Variants in PIGU observed in about 807,000 individuals in gnomAD.
PIGU encodes the protein phosphatidylinositol glycan anchor biosynthesis class U.
PIGU carries 24 observed loss-of-function variants against 49.9 expected under a neutral mutation model. That is an observed-to-expected ratio of 0.48 (90% CI 0.35 to 0.68). PIGU has a LOEUF of 0.68. Among genes scored for constraint, PIGU ranks in the 30% least tolerant of loss-of-function variants. The pLI is 0.01. For synonymous variants in PIGU, 220 were observed against 205.7 expected (o/e 1.07, Z -0.59); for missense variants, 490 against 532.6 (o/e 0.92, Z 0.79).
chr20:34,642,832 A>C (rs940778585), intron 4 of PIGU, among the ~76,000 whole-genome samples: 18 of 138,480 alleles, frequency 1.3e-4, no homozygotes, highest in Admixed American at 9.7e-4. Flanking sequence ...ATCTTGGCTC[A>C]CTCCAATCTC....
Position 34,588,682 on chromosome 20 carries a change from T to A in PIGU, c.628-75A>T, listed in dbSNP as rs561817280. ...GCAGCTATTAGCTTACACTTAAAGA[T>A]CCCTCCCGCAAAACCATACTATGAT... is the stretch of plus-strand genomic sequence containing the variant. On this transcript the variant is annotated intron_variant, in intron 7 of 11. Transcript: ENST00000217446. The A allele has an allele frequency of 1.3e-5, 18 of 1,403,558 alleles. No individual in the cohort carries two copies. The Admixed American group carries it at 2.6e-4, about 20-fold the overall frequency. The allele number at this position is 1,403,558 out of a possible 1,614,324, so 86.9% of individuals were successfully genotyped here. A position where few individuals can be genotyped will look rare whatever the true frequency, so the allele number is the denominator to read the frequency against.
intron 7 of PIGU, among the ~76,000 whole-genome samples, chr20:34,593,323 G>A (rs1984066137): frequency 8.2e-6 from 1 of 121,376 alleles, no homozygotes; most frequent in African/African-American, 3.1e-5. Flanking sequence ...GGGCAACAGA[G>A]CGAGACTCTG....
chr20:34,588,804 T>C (rs1158332238), intron 7 of PIGU, among the ~76,000 whole-genome samples, 197 bp from the exon 8 acceptor site: 6 of 152,172 alleles, frequency 3.9e-5, no homozygotes, highest in African/African-American at 1.4e-4. Flanking sequence ...TCAGACCTAG[T>C]AACACCATTT....
chr20:34,658,237 C>T (rs1430057752), intron 1 of PIGU, among the ~76,000 whole-genome samples: 11 of 152,282 alleles, frequency 7.2e-5, no homozygotes, highest in East Asian at 3.9e-4. Flanking sequence ...GCGAGTGATC[C>T]GCCAACCTCG....
intron 11 of PIGU, 106 bp from the exon 12 acceptor site, chr20:34,561,085 G>T: frequency 1.3e-6 from 1 of 754,502 alleles, no homozygotes; most frequent in Non-Finnish European, 2.2e-6. Flanking sequence ...GCCCCTGCCT[G>T]GCTCTGGATC....
intron 7 of PIGU, among the ~76,000 whole-genome samples, chr20:34,603,982 C>T (rs559786718): frequency 1.8e-3 from 266 of 151,892 alleles, no homozygotes; most frequent in Non-Finnish European, 3.2e-3. Flanking sequence ...GTACGCTCTG[C>T]CTAAAGGGGA....
rs61048902 is a variant in PIGU, at chr20:34,593,341, G to GA, written c.628-4735dup. On this transcript the variant is annotated intron_variant, in intron 7 of 11. Coordinates refer to ENST00000217446, the MANE Select transcript of PIGU (RefSeq NM_080476.5). ...CAACAGAGCGAGACTCTGTCTTAAA[G>GA]AAAAAAAAAAAAAAGCCACCAAGCC... Among the ~76,000 whole-genome samples, 9 of 144,120 alleles carry GA rather than the reference G, an allele frequency of 6.2e-5. No individual in the cohort carries two copies. In the South Asian group the frequency reaches 6.7e-4, roughly 11 times the overall value. 94.5% of individuals were successfully genotyped at this position (144,120 alleles called of 152,430 possible).
intron 11 of PIGU, among the ~76,000 whole-genome samples, chr20:34,567,202 G>C (rs1426490919): frequency 6.6e-6 from 1 of 152,276 alleles, no homozygotes; most frequent in African/African-American, 2.4e-5. Flanking sequence ...CTGGGAGGCA[G>C]AGGAGGCTGG....
At chr20:34,616,912 C>T (rs1424554382) in intron 6 of PIGU, among the ~76,000 whole-genome samples, 1 of 152,166 alleles carries the variant, frequency 6.6e-6, no homozygotes, top group Non-Finnish European at 1.5e-5. Context: ...GAGTTCGAGA[C>T]CAGCCTAGCC....
chr20:34,617,059 G>A (rs1429621654), intron 6 of PIGU, among the ~76,000 whole-genome samples: 3 of 152,242 alleles, frequency 2.0e-5, no homozygotes, highest in Non-Finnish European at 2.9e-5. Flanking sequence ...GCAGTGAGCT[G>A]AGATTGTACC....
intron 5 of PIGU, among the ~76,000 whole-genome samples, chr20:34,635,390 A>T (rs1422574119): frequency 6.6e-6 from 1 of 152,244 alleles, no homozygotes; most frequent in Non-Finnish European, 1.5e-5. Context: ...AGTGTTACAG[A>T]ACTTCAAAGG....
At position 34,560,901 on chromosome 20, in the gene PIGU, T is replaced by C. The variant is rs567167077; in HGVS notation, c.1273A>G (p.Lys425Glu). 8.9e-5 allele frequency: 143 copies of C among 1,612,488 alleles called. No homozygotes were observed. The Middle Eastern group carries it at 3.3e-3, about 37-fold the overall frequency. The change falls in exon 12 of 12, where the codon AAG (lysine) becomes GAG (glutamate). Residue 425 changes from lysine to glutamate, a missense_variant. Coordinates refer to ENST00000217446, the MANE Select transcript of PIGU (RefSeq NM_080476.5). The stretch of plus-strand genomic sequence containing the variant: ...ACGAGCATGGCCTCTGTGCCATCCT[T>C]GGCGGTCAAGTAGAGGCCATGTGTG... ...YLTHGLYLTA[K>E]DGTEAMLVLK
chr20:34,606,638 G>T (rs747196299), intron 7 of PIGU, among the ~76,000 whole-genome samples: 1 of 152,146 alleles, frequency 6.6e-6, no homozygotes, highest in South Asian at 2.1e-4. Context: ...AGTTGATAAC[G>T]TGTATTTTGT....
At chr20:34,606,041 G>A (rs1252390028) in intron 7 of PIGU, among the ~76,000 whole-genome samples, 1 of 151,908 alleles carries the variant, frequency 6.6e-6, no homozygotes, top group East Asian at 1.9e-4. Context: ...GGATCACAAG[G>A]TCAGGAGATC....
intron 7 of PIGU, among the ~76,000 whole-genome samples, chr20:34,608,644 A>T (rs191511093): frequency 6.6e-6 from 1 of 152,294 alleles, no homozygotes; most frequent in Non-Finnish European, 1.5e-5. Flanking sequence ...AGAGAAAAAG[A>T]TAATGTCAAG....
Position 34,588,455 on chromosome 20 carries a change from A to C in PIGU, c.780T>G (p.Phe260Leu), listed in dbSNP as rs757225351. The C allele has an allele frequency of 3.1e-6, 5 of 1,611,812 alleles. No homozygotes were observed. The South Asian group carries it at 5.5e-5, about 18-fold the overall frequency. ...SWDFIPAVYG[F>L]ILSVPDLTPN... is the part of the protein sequence containing the mutation. ...TTTCTAACGTGGTCATTACTTACAT[A>C]AAGCCATAGACTGCGGGGATGAAAT... Residue 260 changes from phenylalanine (F) to leucine (L), a missense_variant and splice_region_variant, in exon 8 of 12, where the codon TTT (phenylalanine) becomes TTG (leucine). Coordinates refer to ENST00000217446, the MANE Select transcript of PIGU (RefSeq NM_080476.5).
intron 5 of PIGU, among the ~76,000 whole-genome samples, chr20:34,635,503 A>T (rs946388913): frequency 1.1e-4 from 16 of 152,224 alleles, no homozygotes; most frequent in Non-Finnish European, 5.9e-5. Context: ...AATGTTTGTG[A>T]GTAGGGAAAT....
chr20:34,627,156 A>G (rs1985520561), intron 6 of PIGU, among the ~76,000 whole-genome samples: 1 of 152,208 alleles, frequency 6.6e-6, no homozygotes, highest in Non-Finnish European at 1.5e-5. Context: ...CAAATGTCCA[A>G]CAAAAGAGAA....
chr20:34,666,078 C>T (rs923858276), intron 1 of PIGU, among the ~76,000 whole-genome samples: 8 of 152,028 alleles, frequency 5.3e-5, no homozygotes, highest in African/African-American at 1.2e-4. Context: ...CTCAGCTCCT[C>T]GGGAAGCTGA....
Sources: gnomAD v4.1 joint callset for allele counts (sites outside exome capture counted in the v4.1 genomes callset) on GRCh38, gnomAD v4.1.1 for gene constraint, MANE v1.5 for transcripts, NCBI Gene and HGNC (gene_info 2026-07-23, HGNC 2026-07-21) for gene names.